Variants in SGCG observed in about 807,000 individuals in gnomAD.
The protein encoded by SGCG is gamma-sarcoglycan.
Under a neutral mutation model 29.3 loss-of-function variants are expected in SGCG, and 26 were observed. That is an observed-to-expected ratio of 0.89 (90% CI 0.65 to 1.23). The LOEUF (loss-of-function observed/expected upper bound fraction) is 1.23. Ranked by LOEUF, SGCG falls within the 50% of genes most tolerant of loss-of-function variation. The pLI is 0.00. For missense variants in SGCG, 353 were observed against 356.0 expected (o/e 0.99, Z 0.07); for synonymous variants, 145 against 129.7 (o/e 1.12, Z -0.80).
At position 23,224,680 on chromosome 13, in the gene SGCG, A is replaced by ACACACACACACACACC. The variant is rs1433903594; in HGVS notation, c.196-9930_196-9929insACACACACACACACCC. Among the ~76,000 whole-genome samples the ACACACACACACACACC allele has an allele frequency of 8.4e-3, 1,267 of 150,636 alleles. 9 individuals carry two copies. The highest frequency in any genetic ancestry group is 0.011 in the Non-Finnish European group (776 of 67,682). ...AGGGCACACATACACACACACACACACCCCACACCAGTGCAAGCACTGCTA... is the reference window on the plus strand; with the variant it reads ...AGGGCACACATACACACACACACACACACACACACACACACCCCCCACACCAGTGCAAGCACTGCTA... On this transcript the variant is annotated intron_variant, in intron 2 of 7. Transcript: ENST00000218867.
chr13:23,187,061 A>T (rs907118070), intron 1 of SGCG, among the ~76,000 whole-genome samples: 7 of 152,160 alleles, frequency 4.6e-5, no homozygotes, highest in Non-Finnish European at 8.8e-5. Flanking sequence ...CAGCAGGGGC[A>T]GTGGCTGGAT....
In SGCG at chr13:23,310,328, T is replaced by C. The variant is rs535814221; in HGVS notation, c.579-10309T>C. Among the ~76,000 whole-genome samples, 56 of 152,082 alleles carry C rather than the reference T, an allele frequency of 3.7e-4. No homozygotes were observed. In the East Asian group the frequency reaches 3.9e-3, roughly 11 times the overall value. On this transcript the variant is annotated intron_variant, in intron 6 of 7. Transcript: ENST00000218867. ...GTCTCGATCTCCTGACCTCATGATC[T>C]GCCCGCCTCGGCCTCCCAAAGTGCT...
At chr13:23,196,670 CT>C (rs1877524781) in intron 1 of SGCG, among the ~76,000 whole-genome samples, 2 of 151,850 alleles carry the variant, frequency 1.3e-5, no homozygotes, top group African/African-American at 4.8e-5. Flanking sequence ...GGATATTAAC[CT>C]TGTCCTATCT....
chr13:23,304,432 A>G (rs1483190811), intron 6 of SGCG, among the ~76,000 whole-genome samples: 7 of 152,012 alleles, frequency 4.6e-5, no homozygotes, highest in Non-Finnish European at 1.0e-4. Flanking sequence ...TGTGCCAGCA[A>G]CTAGATTATT....
chr13:23,270,673 A>G (rs1256438188), intron 4 of SGCG, among the ~76,000 whole-genome samples: 8 of 151,960 alleles, frequency 5.3e-5, no homozygotes, highest in Non-Finnish European at 2.9e-5. Flanking sequence ...TAACACTTTT[A>G]TTTTTACTTG....
intron 6 of SGCG, among the ~76,000 whole-genome samples, chr13:23,318,216 G>T (rs867292847): frequency 8.4e-6 from 1 of 119,572 alleles, no homozygotes. Flanking sequence ...TACTAGTTAT[G>T]TCCTACTAGT....
At chr13:23,315,561 T>C (rs753117001) in intron 6 of SGCG, among the ~76,000 whole-genome samples, 4 of 145,580 alleles carry the variant, frequency 2.7e-5, no homozygotes, top group Non-Finnish European at 4.7e-5. Flanking sequence ...CTGTATGATA[T>C]GCAGGCACCA....
chr13:23,183,450 A>C (rs994464432), intron 1 of SGCG, among the ~76,000 whole-genome samples: 1 of 152,042 alleles, frequency 6.6e-6, no homozygotes, highest in Admixed American at 6.6e-5. Context: ...GTTTCTGTGG[A>C]GAACGTTCTC....
chr13:23,279,475 A>T lies in SGCG; in HGVS notation c.502A>T (p.Thr168Ser). ...GGTTGGTACAGATAAACTTCGAGTA[A>T]CTGGTATGTACTAACTCGAGAAAAA... Reference protein sequence around the residue: ...VVVGTDKLRVTGPEGALFEHS... With the variant: ...VVVGTDKLRVSGPEGALFEHS... The change falls in exon 5 of 8, where the codon ACT becomes TCT. Residue 168 changes from threonine (T) to serine (S), a missense_variant. Physicochemically the swap from Thr to Ser is moderately conservative, Grantham distance 58 (BLOSUM62 1). Coordinates refer to ENST00000218867, the MANE Select transcript of SGCG (RefSeq NM_000231.3). The T allele has an allele frequency of 6.2e-7, 1 of 1,612,734 alleles. No individual in the cohort carries two copies. The highest frequency in any genetic ancestry group is 8.5e-7 in the Non-Finnish European group (1 of 1,179,116).
intron 3 of SGCG, among the ~76,000 whole-genome samples, chr13:23,249,462 A>G (rs984660578): frequency 2.6e-5 from 4 of 152,210 alleles, no homozygotes; most frequent in Admixed American, 2.0e-4. Flanking sequence ...CTTGGGAGAC[A>G]GAGGAATTTG....
rs374052563 is a variant in SGCG, at chr13:23,251,876, C to G, written c.385+1159C>G. Among the ~76,000 whole-genome samples, 17 of 152,098 alleles carry G rather than the reference C, an allele frequency of 1.1e-4. No individual in the cohort carries two copies. In the East Asian group the frequency reaches 2.1e-3, roughly 19 times the overall value. On this transcript the variant is annotated intron_variant, in intron 4 of 7. Coordinates refer to ENST00000218867, the MANE Select transcript of SGCG (RefSeq NM_000231.3). The stretch of plus-strand genomic sequence containing the variant: ...AGAGGTGTACTGCCAACACAAACTT[C>G]CAATGTCTCTCTTTTTAATGGTACT...
At chr13:23,323,080 C>A (rs1883110459) in intron 7 of SGCG, among the ~76,000 whole-genome samples, 1 of 152,048 alleles carries the variant, frequency 6.6e-6, no homozygotes, top group Non-Finnish European at 1.5e-5. Context: ...CATCATCAAG[C>A]CAGCTGCGAG....
chr13:23,324,281 T>G (rs1201209551), intron 7 of SGCG, 87 bp from the exon 8 acceptor site: 2 of 1,290,656 alleles, frequency 1.5e-6, no homozygotes, highest in African/African-American at 2.9e-5. Context: ...GAGAAGAAAC[T>G]AATTGGAAAT....
chr13:23,224,867 C>G (rs183472338), intron 2 of SGCG, among the ~76,000 whole-genome samples: 1 of 152,094 alleles, frequency 6.6e-6, no homozygotes. Flanking sequence ...TCTCAACCTC[C>G]GAGAGTAGGG....
intron 1 of SGCG, among the ~76,000 whole-genome samples, chr13:23,197,277 G>T (rs892668174): frequency 6.6e-6 from 1 of 152,138 alleles, no homozygotes; most frequent in African/African-American, 2.4e-5. Context: ...TAGTCACATC[G>T]TTGTAATTGA....
intron 4 of SGCG, among the ~76,000 whole-genome samples, chr13:23,255,235 A>G (rs542972060): frequency 6.6e-6 from 1 of 152,222 alleles, no homozygotes; most frequent in Non-Finnish European, 1.5e-5. Flanking sequence ...GTAAAGCCAC[A>G]GGAGTGGTGC....
intron 3 of SGCG, among the ~76,000 whole-genome samples, chr13:23,235,580 A>G (rs1437721082): frequency 6.6e-6 from 1 of 152,230 alleles, no homozygotes; most frequent in African/African-American, 2.4e-5. Context: ...TAAAGTGCAA[A>G]TACGTTCAAA....
At chr13:23,252,637 G>C (rs1160697094) in intron 4 of SGCG, among the ~76,000 whole-genome samples, 1 of 152,142 alleles carries the variant, frequency 6.6e-6, no homozygotes, top group Non-Finnish European at 1.5e-5. Flanking sequence ...CTTGCAGTGA[G>C]CCAAGATCGC....
At chr13:23,236,231 C>A (rs1029355811) in intron 3 of SGCG, among the ~76,000 whole-genome samples, 3 of 152,162 alleles carry the variant, frequency 2.0e-5, no homozygotes, top group Non-Finnish European at 2.9e-5. Context: ...ATGAATGAAG[C>A]ATTCAAGTGT....
Sources: gnomAD v4.1 joint callset for allele counts (sites outside exome capture counted in the v4.1 genomes callset) on GRCh38, gnomAD v4.1.1 for gene constraint, MANE v1.5 for transcripts, NCBI Gene and HGNC (gene_info 2026-07-23, HGNC 2026-07-21) for gene names.